TENM2: variants seen among roughly 807,000 people sequenced by gnomAD.
TENM2 encodes the protein teneurin-2.
Under a neutral mutation model 245.2 loss-of-function variants are expected in TENM2, and 52 were observed. The ratio of observed to expected loss-of-function variants is 0.21; its 90% CI spans 0.17 to 0.27. TENM2 has a LOEUF of 0.27. Among genes scored for constraint, TENM2 ranks in the 10% least tolerant of loss-of-function variants. The probability of loss-of-function intolerance (pLI) is 1.00; values close to 1 mark genes in which losing one functional copy is unlikely to be tolerated. For missense variants in TENM2, 3,046 were observed against 3,666.8 expected (o/e 0.83, Z 4.37); for synonymous variants, 1,363 against 1,438.9 (o/e 0.95, Z 1.19).
the TENM2 span, among the ~76,000 whole-genome samples, chr5:167,243,219 A>G: frequency 6.6e-6 from 1 of 152,138 alleles, no homozygotes; most frequent in Non-Finnish European, 1.5e-5. Context: ...ATAATGAAGA[A>G]AGGTAGTTAA....
At chr5:167,227,471 C>A in the TENM2 span, among the ~76,000 whole-genome samples, 1 of 152,098 alleles carries the variant, frequency 6.6e-6, no homozygotes, top group African/African-American at 2.4e-5. Flanking sequence ...TTCCCTCGGT[C>A]TTTACTTGTT....
chr5:167,146,935 TGGTAC>T, the TENM2 span, among the ~76,000 whole-genome samples: 3 of 152,102 alleles, frequency 2.0e-5, no homozygotes, highest in African/African-American at 7.2e-5. Context: ...GGACACTAGA[TGGTAC>T]ATTTGTGACA....
intron 2 of TENM2, among the ~76,000 whole-genome samples, chr5:167,570,077 G>A (rs1396455633): frequency 2.0e-5 from 3 of 152,128 alleles, no homozygotes; most frequent in Non-Finnish European, 2.9e-5. Flanking sequence ...AGAAAAGGCC[G>A]TTCTAAACAG....
chr5:167,434,324 G>T (rs778513522), intron 2 of TENM2, among the ~76,000 whole-genome samples: 25 of 146,378 alleles, frequency 1.7e-4, no homozygotes, highest in Non-Finnish European at 3.1e-4. Flanking sequence ...TGAGGTAGGA[G>T]AATCGATTGA....
At chr5:167,256,408 A>G in the TENM2 span, among the ~76,000 whole-genome samples, 1 of 152,196 alleles carries the variant, frequency 6.6e-6, no homozygotes, top group Non-Finnish European at 1.5e-5. Context: ...GGCAAAAGCT[A>G]GAAATGATGG....
chr5:168,117,963 T>C (rs148106930), intron 9 of TENM2, among the ~76,000 whole-genome samples: 10 of 152,328 alleles, frequency 6.6e-5, no homozygotes, highest in Non-Finnish European at 1.5e-4. Context: ...TCACTTCCCC[T>C]GTCTGAGCCT....
At chr5:168,192,245 GAAATGTAAT>G (rs1761025045) in intron 14 of TENM2, among the ~76,000 whole-genome samples, 2 of 152,142 alleles carry the variant, frequency 1.3e-5, no homozygotes, top group Non-Finnish European at 2.9e-5. Flanking sequence ...CATTGCCCTA[GAAATGTAAT>G]TCTCCCCAGG....
chr5:167,898,754 C>G (rs1242629379), intron 3 of TENM2, among the ~76,000 whole-genome samples: 2 of 152,110 alleles, frequency 1.3e-5, no homozygotes, highest in Non-Finnish European at 2.9e-5. Context: ...AGGTAGAGAG[C>G]CATAGGCTGG....
chr5:168,183,802 T>TAA (rs34656922), intron 13 of TENM2, among the ~76,000 whole-genome samples: 28 of 138,520 alleles, frequency 2.0e-4, no homozygotes, highest in South Asian at 9.3e-4. Context: ...TCTGTATAGG[T>TAA]AAAAAAAAAA....
chr5:167,622,620 C>T (rs780781615), intron 2 of TENM2, among the ~76,000 whole-genome samples: 27 of 152,050 alleles, frequency 1.8e-4, no homozygotes, highest in Non-Finnish European at 3.8e-4. Context: ...CCACAAGGTT[C>T]AGGGGTGAGT....
At chr5:167,504,600 G>A (rs1769422093) in intron 2 of TENM2, among the ~76,000 whole-genome samples, 1 of 152,170 alleles carries the variant, frequency 6.6e-6, no homozygotes, top group African/African-American at 2.4e-5. Flanking sequence ...TTTAACCACT[G>A]GGAGGTGGAA....
At chr5:167,274,701 T>C in the TENM2 span, among the ~76,000 whole-genome samples, 2 of 152,066 alleles carry the variant, frequency 1.3e-5, no homozygotes, top group Admixed American at 1.3e-4. Context: ...GTAGCTATTA[T>C]AATAGGTTTG....
chr5:167,940,005 A>G (rs1257571401), intron 3 of TENM2, among the ~76,000 whole-genome samples: 1 of 152,110 alleles, frequency 6.6e-6, no homozygotes, highest in African/African-American at 2.4e-5. Flanking sequence ...CATTAGTTCC[A>G]TGGGGATTTC....
intron 1 of TENM2, among the ~76,000 whole-genome samples, chr5:167,325,675 A>C (rs1331568388): frequency 6.6e-6 from 1 of 152,246 alleles, no homozygotes; most frequent in African/African-American, 2.4e-5. Flanking sequence ...TACACTGGTC[A>C]GGGGTTTATA....
intron 2 of TENM2, among the ~76,000 whole-genome samples, chr5:167,611,833 A>C (rs1777495822): frequency 6.6e-6 from 1 of 151,948 alleles, no homozygotes; most frequent in African/African-American, 2.4e-5. Context: ...CACTAATTCC[A>C]TTCATGAGGG....
chr5:167,677,462 G>A (rs941105438), intron 2 of TENM2, among the ~76,000 whole-genome samples: 2 of 151,394 alleles, frequency 1.3e-5, no homozygotes, highest in Non-Finnish European at 2.9e-5. Context: ...CTCTTGGTTG[G>A]TAGGCAAATC....
At chr5:166,996,026 A>G in the TENM2 span, among the ~76,000 whole-genome samples, 4 of 151,830 alleles carry the variant, frequency 2.6e-5, no homozygotes, top group Non-Finnish European at 1.5e-5. Context: ...TTGCTATACC[A>G]GTGACTTTAT....
At chr5:167,946,419 A>G (rs2151804126) in intron 3 of TENM2, among the ~76,000 whole-genome samples, 1 of 152,294 alleles carries the variant, frequency 6.6e-6, no homozygotes, top group East Asian at 1.9e-4. Flanking sequence ...GGGAAGGCAT[A>G]GAAAGAGATT....
At chr5:168,161,748 T>C (rs1757759180) in intron 12 of TENM2, among the ~76,000 whole-genome samples, 1 of 151,938 alleles carries the variant, frequency 6.6e-6, no homozygotes, top group Non-Finnish European at 1.5e-5. Context: ...GCTGCAATTG[T>C]TTTGGGTCCT....
Sources: gnomAD v4.1 joint callset for allele counts (sites outside exome capture counted in the v4.1 genomes callset) on GRCh38, gnomAD v4.1.1 for gene constraint, MANE v1.5 for transcripts, NCBI Gene and HGNC (gene_info 2026-07-23, HGNC 2026-07-21) for gene names.